Variants in ZNF839 observed in about 807,000 individuals in gnomAD.
ZNF839 encodes renal carcinoma antigen NY-REN-50.
In ZNF839, 38 loss-of-function variants were observed where a neutral mutation model predicts 56.4. That is an observed-to-expected ratio of 0.67 (90% CI 0.52 to 0.88). ZNF839 has a LOEUF of 0.88. ZNF839 is among the 40% of genes least tolerant of loss of function. The probability of loss-of-function intolerance (pLI) is 0.00; values close to 1 mark genes in which losing one functional copy is unlikely to be tolerated. For synonymous variants in ZNF839, 486 were observed against 493.5 expected (o/e 0.98, Z 0.20); for missense variants, 1,091 against 1,177.6 (o/e 0.93, Z 1.08).
Position 102,336,050 on chromosome 14 carries a change from A to T in ZNF839, c.1659+212A>T, listed in dbSNP as rs1385686838. Among the ~76,000 whole-genome samples, 4 of 152,252 alleles carry T rather than the reference A, an allele frequency of 2.6e-5. No homozygotes were observed. In the East Asian group the frequency reaches 5.8e-4, roughly 22 times the overall value. On this transcript the variant is annotated intron_variant, in intron 5 of 7. Coordinates refer to ENST00000442396, the MANE Select transcript of ZNF839 (RefSeq NM_018335.6). ...AAAAATTAGCTGGGCGTGGTGGCAC[A>T]TGCCTCTAATTCCAGTTATTCAGGA...
intron 1 of ZNF839, among the ~76,000 whole-genome samples, chr14:102,324,523 A>T (rs561585774): frequency 6.6e-6 from 1 of 152,252 alleles, no homozygotes; most frequent in South Asian, 2.1e-4. Context: ...AGCCTGGACC[A>T]CAGAGCGAGA....
At chr14:102,329,016 C>T (rs972792512) in intron 2 of ZNF839, among the ~76,000 whole-genome samples, 4 of 150,540 alleles carry the variant, frequency 2.7e-5, no homozygotes, top group African/African-American at 9.8e-5. Flanking sequence ...TGTCGCCAGG[C>T]TGGAGTGCAG....
intron 3 of ZNF839, 35 bp from the exon 4 acceptor site, chr14:102,334,519 G>T: frequency 6.7e-7 from 1 of 1,485,760 alleles, no homozygotes; most frequent in Non-Finnish European, 9.3e-7. Context: ...ATTCTTACGG[G>T]ACATTCAAAG....
In ZNF839 at chr14:102,326,314, G is replaced by C; in HGVS notation, c.618G>C (p.Leu206Phe). The C allele has an allele frequency of 6.2e-7, 1 of 1,611,934 alleles. No homozygotes were observed. The change falls in exon 2 of 8, where the codon TTG becomes TTC. Residue 206 changes from leucine to phenylalanine, a missense_variant. By Grantham distance (22) the Leu-to-Phe change is conservative. This residue lies in a region of ZNF839 where 614 missense variants were observed against 629.2 expected (regional missense o/e 0.98). Coordinates refer to ENST00000442396, the MANE Select transcript of ZNF839 (RefSeq NM_018335.6). This position sits in a 1 kb window ranked among gnomAD's most constrained non-coding sequence, Gnocchi z 4.3. Reference sequence around the variant, plus strand: ...CTCCAGATGAACAGGGCTCCATGTTGACCCCTTTGTCTGCCTCTGACCCGC... The same window carrying C: ...CTCCAGATGAACAGGGCTCCATGTTCACCCCTTTGTCTGCCTCTGACCCGC... ...PKAPDEQGSM[L>F]TPLSASDPLA...
chr14:102,337,409 TC>T (rs1160913693), intron 5 of ZNF839: 3 of 152,018 alleles, frequency 2.0e-5, no homozygotes, highest in Admixed American at 6.6e-5. Context: ...CCTCAAGTGA[TC>T]CGCCCGCCTC....
rs2139480521 is a variant in ZNF839 at position 102,325,989 on chromosome 14, T to A, written c.293T>A (p.Leu98Gln). The change falls in exon 2 of 8, where the codon CTA becomes CAA. Residue 98 changes from leucine to glutamine, a missense_variant. Transcript: ENST00000442396. ...RLPRLLPPQQ[L>Q]EAICVKVTSG... ...TCTTGTCTTTCTGTACGTAAGCAAC[T>A]AGAAGCCATTTGTGTCAAGGTAACG... is the stretch of plus-strand genomic sequence containing the variant. 1.2e-6 allele frequency: 2 copies of A among 1,611,984 alleles called. No individual in the cohort carries two copies. The highest frequency in any genetic ancestry group is 4.5e-5 in the East Asian group (2 of 44,862).
chr14:102,326,841 G>C lies in ZNF839; in HGVS notation c.1145G>C (p.Gly382Ala), dbSNP rs761436207. 50 of 1,609,564 alleles carry C rather than the reference G, an allele frequency of 3.1e-5. No homozygotes were observed. In the East Asian group the frequency reaches 6.5e-4, roughly 21 times the overall value. Residue 382 changes from glycine (G) to alanine (A), a missense_variant, in exon 2 of 8, where the codon GGG becomes GCG. This residue lies in a region of ZNF839 where 614 missense variants were observed against 629.2 expected (regional missense o/e 0.98). Transcript: ENST00000442396. This position sits in a 1 kb window ranked among gnomAD's most constrained non-coding sequence, Gnocchi z 4.3. ...LSMPADPCEG[G>A]ARSCLVTESA... ...ATGCCAGCGGATCCATGTGAGGGAG[G>C]GGCCCGCTCCTGCTTGGTGACAGAG...
rs917454903 is a variant in ZNF839, at chr14:102,339,126, G to T, written c.1830G>T (p.Arg610Ser). 5 of 1,613,514 alleles carry T rather than the reference G, an allele frequency of 3.1e-6. No homozygotes were observed. The African/African-American group carries it at 4.0e-5, about 13-fold the overall frequency. ...AGGAGGGACTGGCCTCAGTGAAAAGGCCCAGAAGAGAAGCCCTGTCCAACG... is the reference window on the plus strand; with the variant it reads ...AGGAGGGACTGGCCTCAGTGAAAAGTCCCAGAAGAGAAGCCCTGTCCAACG... ...AAEEGLASVK[R>S]PRREALSNDT... The change falls in exon 7 of 8, where the codon AGG becomes AGT. Residue 610 changes from arginine (R) to serine (S), a missense_variant. By Grantham distance (110) the Arg-to-Ser change is moderately radical. This residue lies in a region of ZNF839 where 431 missense variants were observed against 468.0 expected (regional missense o/e 0.92). Transcript: ENST00000442396.
rs754123230 is a variant in ZNF839 at position 102,335,847 on chromosome 14, C to T, written c.1659+9C>T. On this transcript the variant is annotated intron_variant, in intron 5 of 7. Coordinates refer to ENST00000442396, the MANE Select transcript of ZNF839 (RefSeq NM_018335.6). ...AAATAAACAATGATAAGGTAACAATCTCCCATGGCAGAAAGAGTTTTGCTC... is the reference window on the plus strand; with the variant it reads ...AAATAAACAATGATAAGGTAACAATTTCCCATGGCAGAAAGAGTTTTGCTC... 1.9e-6 allele frequency: 3 copies of T among 1,608,616 alleles called. No homozygotes were observed. Among genetic ancestry groups the T allele is most frequent in the African/African-American group, 2.7e-5 (2 of 74,804 alleles).
In ZNF839 at chr14:102,342,264, G is replaced by C; in HGVS notation, c.*85G>C. 2 of 1,498,344 alleles carry C rather than the reference G, an allele frequency of 1.3e-6. No individual in the cohort carries two copies. Among genetic ancestry groups the C allele is most frequent in the Non-Finnish European group, 1.8e-6 (2 of 1,119,408 alleles). 92.8% of individuals were successfully genotyped at this position (1,498,344 alleles called of 1,614,324 possible). Reference sequence around the variant, plus strand: ...TGAAGTGGAGTCAGATCCTAGATTCGTCTGATTTTATCCAGAGAAGGTCTA... The same window carrying C: ...TGAAGTGGAGTCAGATCCTAGATTCCTCTGATTTTATCCAGAGAAGGTCTA... On this transcript the variant is annotated 3_prime_UTR_variant, in exon 8 of 8. Transcript: ENST00000442396.
chr14:102,335,414 C>T (rs1429758144), intron 4 of ZNF839: 3 of 345,266 alleles, frequency 8.7e-6, no homozygotes, highest in Non-Finnish European at 1.6e-5. Flanking sequence ...GGCCTTTCTG[C>T]CTTCCCTTCC....
chr14:102,326,327 G>T lies in ZNF839; in HGVS notation c.631G>T (p.Ala211Ser), dbSNP rs372836943. 11 of 1,610,912 alleles carry T rather than the reference G, an allele frequency of 6.8e-6. No homozygotes were observed. The highest frequency in any genetic ancestry group is 9.3e-6 in the Non-Finnish European group (11 of 1,178,510). ...EQGSMLTPLS[A>S]SDPLAVTSLS... ...GGGCTCCATGTTGACCCCTTTGTCT[G>T]CCTCTGACCCGCTGGCAGTAACATC... Residue 211 changes from alanine to serine, a missense_variant, in exon 2 of 8, where the codon GCC becomes TCC. Around this residue, in one of 3 missense-constraint regions of ZNF839, gnomAD observed 614 missense variants for 629.2 expected, o/e 0.98. Transcript: ENST00000442396. This position sits in a 1 kb window ranked among gnomAD's most constrained non-coding sequence, Gnocchi z 4.3.
At chr14:102,333,874 C>A (rs1444750320) in intron 3 of ZNF839, among the ~76,000 whole-genome samples, 1 of 152,188 alleles carries the variant, frequency 6.6e-6, no homozygotes, top group African/African-American at 2.4e-5. Flanking sequence ...ACCCCAGGCT[C>A]AAGCTGGGAA....
rs113931147 is a variant in ZNF839, at chr14:102,323,230, C to T, written c.289-2755C>T. Among the ~76,000 whole-genome samples the T allele has an allele frequency of 3.3e-3, 498 of 152,300 alleles. 4 individuals are homozygous for T. The highest frequency in any genetic ancestry group is 0.011 in the African/African-American group (462 of 41,570). ...TGGCAATGTCTTCATTGTCAGGACTCGGGATCACTACTGGCATCTAGTGGG... is the reference window on the plus strand; with the variant it reads ...TGGCAATGTCTTCATTGTCAGGACTTGGGATCACTACTGGCATCTAGTGGG... On this transcript the variant is annotated intron_variant, in intron 1 of 7. Coordinates refer to ENST00000442396, the MANE Select transcript of ZNF839 (RefSeq NM_018335.6).
rs748417097 is a variant in ZNF839, at chr14:102,342,229, G to T, written c.*50G>T. The T allele has an allele frequency of 2.6e-6, 4 of 1,525,020 alleles. No individual in the cohort carries two copies. The highest frequency in any genetic ancestry group is 8.9e-7 in the Non-Finnish European group (1 of 1,126,506). The allele number at this position is 1,525,020 out of a possible 1,614,324, so 94.5% of individuals were successfully genotyped here. A position where few individuals can be genotyped will look rare whatever the true frequency, so the allele number is the denominator to read the frequency against. ...AGTCGGTCGTCACCGTGGAGCCAGA[G>T]CCCTCACAGTGAAGTGGAGTCAGAT... On this transcript the variant is annotated 3_prime_UTR_variant, in exon 8 of 8. Coordinates refer to ENST00000442396, the MANE Select transcript of ZNF839 (RefSeq NM_018335.6).
intron 2 of ZNF839, among the ~76,000 whole-genome samples, chr14:102,328,279 G>T (rs1597717656): frequency 6.9e-6 from 1 of 145,298 alleles, no homozygotes; most frequent in East Asian, 2.1e-4. Flanking sequence ...GCTTGAACTT[G>T]TGAGGTGGAG....
intron 4 of ZNF839, chr14:102,335,485 T>C (rs1046928023): frequency 3.7e-6 from 2 of 546,788 alleles, no homozygotes; most frequent in African/African-American, 3.8e-5. Context: ...TGTTTGTTTC[T>C]TGGCCTGCTC....
intron 2 of ZNF839, 77 bp from the exon 3 acceptor site, chr14:102,331,545 C>T (rs573286810): frequency 4.2e-4 from 551 of 1,309,630 alleles, no homozygotes; most frequent in Non-Finnish European, 5.3e-4. Flanking sequence ...CCACGGCGCC[C>T]GGCCACTAAA....
chr14:102,340,693 G>A (rs1278284706), intron 7 of ZNF839, among the ~76,000 whole-genome samples: 1 of 152,130 alleles, frequency 6.6e-6, no homozygotes, highest in Non-Finnish European at 1.5e-5. Context: ...GGAGGGTGTG[G>A]ATGTGAGTAT....
Sources: gnomAD v4.1 joint callset for allele counts (sites outside exome capture counted in the v4.1 genomes callset) on GRCh38, gnomAD v4.1.1 for gene constraint, gnomAD v4.1.1 regional missense constraint, Gnocchi (gnomAD v3.1) non-coding constraint, MANE v1.5 for transcripts, NCBI Gene and HGNC (gene_info 2026-07-23, HGNC 2026-07-21) for gene names.